ZFHX4: variants seen among roughly 807,000 people sequenced by gnomAD.
ZFHX4 encodes zinc finger homeobox protein 4.
ZFHX4 carries 56 observed loss-of-function variants against 267.6 expected under a neutral mutation model. The ratio of observed to expected loss-of-function variants is 0.21; its 90% CI spans 0.17 to 0.26. ZFHX4 has a LOEUF of 0.26. Among genes scored for constraint, ZFHX4 ranks in the 10% least tolerant of loss-of-function variants. The pLI is 1.00. For missense variants in ZFHX4, 4,332 were observed against 4,420.0 expected, an observed-to-expected ratio of 0.98 and a Z score of 0.56; for synonymous variants, 1,778 against 1,665.6, an observed-to-expected ratio of 1.07 and a Z score of -1.64.
intron 4 of ZFHX4, among the ~76,000 whole-genome samples, chr8:76,831,108 T>G (rs1301231927): frequency 1.3e-5 from 2 of 152,236 alleles, no homozygotes; most frequent in Non-Finnish European, 2.9e-5. Flanking sequence ...AATAATTGCC[T>G]CATTATGTTA....
intron 5 of ZFHX4, among the ~76,000 whole-genome samples, chr8:76,836,584 G>A (rs1043216808): frequency 6.6e-6 from 1 of 152,050 alleles, no homozygotes; most frequent in Non-Finnish European, 1.5e-5. Context: ...GAGAAAGAAA[G>A]CTAACATGGA....
At chr8:76,744,516 G>A (rs968839929) in intron 3 of ZFHX4, among the ~76,000 whole-genome samples, 4 of 151,942 alleles carry the variant, frequency 2.6e-5, no homozygotes, top group Admixed American at 2.0e-4. Flanking sequence ...AGGTTCAAGC[G>A]ATTCTCCCAC....
chr8:76,725,217 A>G (rs1481479411), intron 3 of ZFHX4, among the ~76,000 whole-genome samples: 4 of 152,104 alleles, frequency 2.6e-5, no homozygotes, highest in Non-Finnish European at 4.4e-5. Context: ...GCAAATAAAT[A>G]TGGTACACAA....
intron 4 of ZFHX4, among the ~76,000 whole-genome samples, chr8:76,804,032 A>G (rs1811185774): frequency 6.6e-6 from 1 of 152,120 alleles, no homozygotes; most frequent in Admixed American, 6.6e-5. Context: ...ACTCACCTCA[A>G]AATGCAACAA....
At position 76,853,835 on chromosome 8, in the gene ZFHX4, T is replaced by C. The variant is rs933453118; in HGVS notation, c.6914T>C (p.Ile2305Thr). Residue 2305 changes from isoleucine (I) to threonine (T), a missense_variant, in exon 10 of 11, where the codon ATT (isoleucine) becomes ACT (threonine). This residue lies in a region of ZFHX4 where 1,648 missense variants were observed against 1,625.0 expected (regional missense o/e 1.01). Transcript: ENST00000651372. ...EKRELTNERYIRTSNMQYQCK... is the reference protein window; with the variant it reads ...EKRELTNERYTRTSNMQYQCK... The stretch of plus-strand genomic sequence containing the variant: ...AGAGAACTCACTAATGAACGGTACA[T>C]TCGAACAAGCAACATGCAGTACCAG... The C allele has an allele frequency of 6.2e-7, 1 of 1,613,748 alleles. No individual in the cohort carries two copies. Among genetic ancestry groups the C allele is most frequent in the African/African-American group, 1.3e-5 (1 of 74,900 alleles).
rs531994002 is a variant in ZFHX4, at chr8:76,706,332, C to T, written c.2244C>T (p.Thr748=). 1 of 1,614,116 alleles carries T rather than the reference C, an allele frequency of 6.2e-7. No homozygotes were observed. Among genetic ancestry groups the T allele is most frequent in the East Asian group, 2.2e-5 (1 of 44,858 alleles). The change falls in exon 2 of 11, where the codon ACC becomes ACT. Residue 748 remains threonine, a synonymous_variant. Transcript: ENST00000651372. ...VFGHSAPAPN[T]SLSGCGTPSP... is the part of the protein sequence containing the mutation. Reference sequence around the variant, plus strand: ...GCCACTCTGCCCCAGCCCCCAACACCAGCCTCAGTGGCTGCGGAACACCCT... The same window carrying T: ...GCCACTCTGCCCCAGCCCCCAACACTAGCCTCAGTGGCTGCGGAACACCCT...
chr8:76,839,638 T>C (rs1040507487), intron 5 of ZFHX4, among the ~76,000 whole-genome samples: 1 of 152,236 alleles, frequency 6.6e-6, no homozygotes, highest in Non-Finnish European at 1.5e-5. Flanking sequence ...ATACTTTCAC[T>C]ATTATTGCAT....
intron 3 of ZFHX4, among the ~76,000 whole-genome samples, chr8:76,710,663 G>A (rs1192022118): frequency 2.0e-5 from 3 of 152,128 alleles, no homozygotes; most frequent in East Asian, 3.8e-4. Flanking sequence ...GCAGTTATAA[G>A]ACAAATACAG....
At chr8:76,740,191 C>A (rs923780762) in intron 3 of ZFHX4, among the ~76,000 whole-genome samples, 1 of 151,890 alleles carries the variant, frequency 6.6e-6, no homozygotes, top group Non-Finnish European at 1.5e-5. Context: ...TAGAAAAATT[C>A]TGATGGGAGA....
At chr8:76,836,311 A>G (rs1296770943) in intron 5 of ZFHX4, among the ~76,000 whole-genome samples, 1 of 152,124 alleles carries the variant, frequency 6.6e-6, no homozygotes, top group Non-Finnish European at 1.5e-5. Flanking sequence ...AAGAATGCAA[A>G]TTACTGAGCC....
chr8:76,819,405 A>G (rs1435606929), intron 4 of ZFHX4, among the ~76,000 whole-genome samples: 1 of 152,190 alleles, frequency 6.6e-6, no homozygotes, highest in Admixed American at 6.5e-5. Context: ...TTCTTTTGGA[A>G]CTTCCGTAAT....
At chr8:76,821,464 C>T (rs773167656) in intron 4 of ZFHX4, among the ~76,000 whole-genome samples, 2 of 152,036 alleles carry the variant, frequency 1.3e-5, no homozygotes, top group Non-Finnish European at 2.9e-5. Flanking sequence ...TGACCAATTC[C>T]TAGTCGGCCT....
intron 4 of ZFHX4, among the ~76,000 whole-genome samples, chr8:76,791,396 C>T (rs1810832569): frequency 1.3e-5 from 2 of 152,030 alleles, no homozygotes; most frequent in Admixed American, 1.3e-4. Context: ...GAAAAAACTC[C>T]AGAATTCTTA....
rs1050373982 is a variant in ZFHX4 at position 76,705,245 on chromosome 8, C to T, written c.1157C>T (p.Ala386Val). The change falls in exon 2 of 11, where the codon GCG becomes GTG. Residue 386 changes from alanine to valine, a missense_variant. Ala to Val is a moderately conservative substitution (Grantham distance 64, BLOSUM62 0). Coordinates refer to ENST00000651372, the MANE Select transcript of ZFHX4 (RefSeq NM_024721.5). Reference protein sequence around the residue: ...PAGFAFLKGSASTSSSAEQPL... With the variant: ...PAGFAFLKGSVSTSSSAEQPL... ...GGCTTTGCCTTCTTAAAAGGAAGCG[C>T]GAGCACCTCGAGCTCAGCAGAGCAG... 1.4e-5 allele frequency: 23 copies of T among 1,613,842 alleles called. No individual in the cohort carries two copies. The highest frequency in any genetic ancestry group is 5.3e-5 in the African/African-American group (4 of 74,906).
intron 4 of ZFHX4, among the ~76,000 whole-genome samples, chr8:76,829,276 G>A (rs369780492): frequency 9.5e-5 from 11 of 115,512 alleles, no homozygotes; most frequent in Non-Finnish European, 5.0e-5. Context: ...CCAATTAGCC[G>A]GGGCGGGGGG....
chr8:76,712,313 G>C (rs1036537356), intron 3 of ZFHX4, among the ~76,000 whole-genome samples: 1 of 152,110 alleles, frequency 6.6e-6, no homozygotes, highest in African/African-American at 2.4e-5. Flanking sequence ...CCACAGAGGA[G>C]AATGCAAGGA....
In ZFHX4 at chr8:76,853,921, C is replaced by A; in HGVS notation, c.7000C>A (p.Gln2334Lys). ...TGACTTGATTACGCATCAGAAAAAG[C>A]AGTGTTACAAGGATGAAGATGATGA... ...IFDLITHQKK[Q>K]CYKDEDDDAQ... is the part of the protein sequence containing the mutation. The change falls in exon 10 of 11, where the codon CAG becomes AAG. Residue 2334 changes from glutamine to lysine, a missense_variant. Gln to Lys is a moderately conservative substitution (Grantham distance 53, BLOSUM62 1). Coordinates refer to ENST00000651372, the MANE Select transcript of ZFHX4 (RefSeq NM_024721.5). The A allele has an allele frequency of 6.2e-7, 1 of 1,613,912 alleles. No individual in the cohort carries two copies. The highest frequency in any genetic ancestry group is 1.7e-5 in the Admixed American group (1 of 60,004).
chr8:76,817,741 C>G (rs2131857330), intron 4 of ZFHX4, among the ~76,000 whole-genome samples: 1 of 152,320 alleles, frequency 6.6e-6, no homozygotes, highest in East Asian at 1.9e-4. Context: ...TTGTCTCCCT[C>G]TTTAGCCTAT....
intron 3 of ZFHX4, among the ~76,000 whole-genome samples, chr8:76,750,218 A>G (rs1047912718): frequency 6.6e-6 from 1 of 152,064 alleles, no homozygotes; most frequent in Non-Finnish European, 1.5e-5. Flanking sequence ...GTTCAAGGAG[A>G]ATTTCACATT....
Sources: gnomAD v4.1 joint callset for allele counts (sites outside exome capture counted in the v4.1 genomes callset) on GRCh38, gnomAD v4.1.1 for gene constraint, gnomAD v4.1.1 regional missense constraint, MANE v1.5 for transcripts, NCBI Gene and HGNC (gene_info 2026-07-23, HGNC 2026-07-21) for gene names.